The following PLEKHH2 variants were observed in gnomAD, a reference collection of about 807,000 sequenced individuals.
PLEKHH2 encodes pleckstrin homology, MyTH4 and FERM domain containing H2.
In PLEKHH2, 129 loss-of-function variants were observed where a neutral mutation model predicts 187.9. The observed-to-expected ratio is 0.69, with a 90% CI of 0.59 to 0.79. PLEKHH2 has a LOEUF of 0.79. Among genes scored for constraint, PLEKHH2 ranks in the 30% least tolerant of loss-of-function variants. The pLI, the probability that PLEKHH2 is intolerant of heterozygous loss-of-function variation, is 0.00. For synonymous variants in PLEKHH2, 686 were observed against 605.6 expected, an observed-to-expected ratio of 1.13 and a Z score of -1.95; for missense variants, 2,076 against 1,751.2, an observed-to-expected ratio of 1.19 and a Z score of -3.31.
chr2:43,676,820 T>G (rs1667823829), intron 2 of PLEKHH2, among the ~76,000 whole-genome samples: 4 of 152,128 alleles, frequency 2.6e-5, no homozygotes. Flanking sequence ...ACTCTCTCCA[T>G]CAGTCTGTAA....
chr2:43,757,647 T>A (rs1285595383), intron 26 of PLEKHH2, among the ~76,000 whole-genome samples: 2 of 152,154 alleles, frequency 1.3e-5, no homozygotes, highest in Non-Finnish European at 2.9e-5. Flanking sequence ...CTCGATCTCC[T>A]GACCTCATGA....
rs1671536550 is a variant in PLEKHH2, at chr2:43,740,985, C to T, written c.3163C>T (p.Pro1055Ser). The T allele has an allele frequency of 1.2e-6, 2 of 1,614,066 alleles. No individual in the cohort carries two copies. The highest frequency in any genetic ancestry group is 1.7e-6 in the Non-Finnish European group (2 of 1,179,968). The change falls in exon 21 of 30, where the codon CCC (proline) becomes TCC (serine). Residue 1055 changes from proline (P) to serine (S), a missense_variant. Pro to Ser is a moderately conservative substitution (Grantham distance 74). Transcript: ENST00000282406. ...LLALCVGLFLPHHPFLWLLRL... is the reference protein window; with the variant it reads ...LLALCVGLFLSHHPFLWLLRL... The stretch of plus-strand genomic sequence containing the variant: ...GGCACTCTGCGTTGGGCTCTTCCTT[C>T]CCCATCATCCTTTCCTGTGGCTCCT...
chr2:43,737,536 G>A (rs1486305034), intron 19 of PLEKHH2, among the ~76,000 whole-genome samples: 1 of 152,080 alleles, frequency 6.6e-6, no homozygotes, highest in Admixed American at 6.6e-5. Flanking sequence ...GTCTCCTGGC[G>A]GTACCATCAA....
intron 2 of PLEKHH2, among the ~76,000 whole-genome samples, chr2:43,659,605 T>C (rs1015662279): frequency 3.1e-4 from 46 of 150,802 alleles, no homozygotes; most frequent in Non-Finnish European, 4.1e-4. Flanking sequence ...CTCACTGCAC[T>C]GGAGTGCAGT....
chr2:43,752,990 T>TC (rs1359275779), intron 24 of PLEKHH2, among the ~76,000 whole-genome samples: 1 of 152,138 alleles, frequency 6.6e-6, no homozygotes, highest in Non-Finnish European at 1.5e-5. Context: ...ACTCACCTTC[T>TC]CCCCCTCCCC....
intron 3 of PLEKHH2, among the ~76,000 whole-genome samples, chr2:43,688,611 C>T (rs539698000): frequency 6.6e-6 from 1 of 152,260 alleles, no homozygotes; most frequent in African/African-American, 2.4e-5. Flanking sequence ...ATTGGGATCC[C>T]CAACAGTACT....
At chr2:43,731,864 A>G (rs761552761) in intron 19 of PLEKHH2, among the ~76,000 whole-genome samples, 10 of 152,138 alleles carry the variant, frequency 6.6e-5, no homozygotes, top group Non-Finnish European at 1.3e-4. Flanking sequence ...CAGATGAATC[A>G]TTTCCCCTTT....
intron 24 of PLEKHH2, among the ~76,000 whole-genome samples, chr2:43,752,071 C>A (rs191841181): frequency 8.9e-4 from 136 of 152,210 alleles, no homozygotes; most frequent in African/African-American, 3.2e-3. Context: ...TATTACCAAA[C>A]CTTCCAGTGG....
intron 2 of PLEKHH2, among the ~76,000 whole-genome samples, chr2:43,646,456 C>T (rs1439058571): frequency 6.6e-6 from 1 of 152,076 alleles, no homozygotes; most frequent in Admixed American, 6.6e-5. Flanking sequence ...CCACAGGATC[C>T]CTCTCAAAAT....
intron 2 of PLEKHH2, chr2:43,676,187 G>A (rs1667772430): frequency 1.9e-6 from 3 of 1,613,912 alleles, no homozygotes; most frequent in Non-Finnish European, 1.7e-6. Flanking sequence ...TTAGGTGGAC[G>A]AAGGTGATGG....
intron 4 of PLEKHH2, among the ~76,000 whole-genome samples, chr2:43,694,019 A>G (rs1558503378): frequency 6.6e-6 from 1 of 152,036 alleles, no homozygotes; most frequent in Non-Finnish European, 1.5e-5. Flanking sequence ...GAATTTCACT[A>G]TGTTTATTTT....
At chr2:43,671,255 G>A (rs917700295) in intron 2 of PLEKHH2, among the ~76,000 whole-genome samples, 18 of 152,040 alleles carry the variant, frequency 1.2e-4, no homozygotes, top group African/African-American at 4.1e-4. Flanking sequence ...CCAAAGTGCT[G>A]GGATTACAGG....
intron 23 of PLEKHH2, chr2:43,744,228 A>G (rs1222457656): frequency 2.0e-5 from 17 of 849,074 alleles, no homozygotes; most frequent in Non-Finnish European, 2.7e-5. Context: ...AGTAATGGAA[A>G]TGATACTCTA....
At chr2:43,639,893 A>G (rs1415970116) in intron 1 of PLEKHH2, among the ~76,000 whole-genome samples, 1 of 152,068 alleles carries the variant, frequency 6.6e-6, no homozygotes, top group African/African-American at 2.4e-5. Flanking sequence ...CTGACCTCAG[A>G]TGATCCACCT....
At chr2:43,712,954 TCTG>T (rs1670039372) in intron 15 of PLEKHH2, among the ~76,000 whole-genome samples, 1 of 152,068 alleles carries the variant, frequency 6.6e-6, no homozygotes, top group African/African-American at 2.4e-5. Flanking sequence ...GATTAAAAAA[TCTG>T]CTAGTTTCTG....
intron 3 of PLEKHH2, among the ~76,000 whole-genome samples, chr2:43,680,188 T>C (rs543576755): frequency 2.0e-5 from 3 of 152,294 alleles, no homozygotes; most frequent in African/African-American, 7.2e-5. Flanking sequence ...CACTATGGAG[T>C]AATATGGTTA....
intron 15 of PLEKHH2, among the ~76,000 whole-genome samples, chr2:43,716,137 C>A (rs910132434): frequency 1.3e-5 from 2 of 151,892 alleles, no homozygotes; most frequent in African/African-American, 4.8e-5. Flanking sequence ...CTGGAGGGAA[C>A]CTGGAGTCAG....
intron 15 of PLEKHH2, 115 bp from the exon 16 acceptor site, chr2:43,720,554 C>T: frequency 1.3e-6 from 2 of 1,499,594 alleles, no homozygotes; most frequent in Non-Finnish European, 1.8e-6. Flanking sequence ...TTTGGAATAT[C>T]ACTTATATCT....
intron 26 of PLEKHH2, 101 bp downstream of exon 26, chr2:43,757,365 T>G: frequency 1.0e-6 from 1 of 969,424 alleles, no homozygotes; most frequent in Non-Finnish European, 1.4e-6. Context: ...TTGGACAGCT[T>G]TCTCAAGATT....
Sources: allele counts gnomAD v4.1 joint callset (sites outside exome capture counted in the v4.1 genomes callset), GRCh38; gene constraint gnomAD v4.1.1; transcripts MANE v1.5; gene names NCBI Gene and HGNC (gene_info 2026-07-23, HGNC 2026-07-21).